Variants in OSBPL5 observed in about 807,000 individuals in gnomAD.
OSBPL5 encodes the protein oxysterol binding protein like 5.
OSBPL5 carries 71 observed loss-of-function variants against 111.2 expected under a neutral mutation model. The ratio of observed to expected loss-of-function variants is 0.64; its 90% CI spans 0.53 to 0.78. The LOEUF is 0.78. OSBPL5 is among the 30% of genes least tolerant of loss of function. OSBPL5 has a pLI of 0.00. For synonymous variants in OSBPL5, 549 were observed against 513.9 expected (o/e 1.07, Z -0.93); for missense variants, 1,210 against 1,189.3 (o/e 1.02, Z -0.26).
chr11:3,096,389 T>C (rs886791334), intron 14 of OSBPL5, among the ~76,000 whole-genome samples: 2 of 152,078 alleles, frequency 1.3e-5, no homozygotes, highest in African/African-American at 2.4e-5. Flanking sequence ...GAGGCCGAGG[T>C]AGGCTGATCA....
chr11:3,145,314 C>T (rs1846305502), intron 1 of OSBPL5, among the ~76,000 whole-genome samples: 1 of 152,240 alleles, frequency 6.6e-6, no homozygotes, highest in African/African-American at 2.4e-5. Context: ...CCTCCACCAC[C>T]AGCTGTGCCA....
At chr11:3,163,136 C>T (rs1284391507) in intron 1 of OSBPL5, among the ~76,000 whole-genome samples, 2 of 152,244 alleles carry the variant, frequency 1.3e-5, no homozygotes, top group African/African-American at 4.8e-5. Context: ...CTCCCCAGGC[C>T]TCTCCGGGAG....
rs1590655373 is a variant in OSBPL5, at chr11:3,105,670, C to T, written c.1060-1293G>A. 6.6e-6 allele frequency among the ~76,000 whole-genome samples: 1 copy of T among 152,118 alleles called. No homozygotes were observed. The highest frequency in any genetic ancestry group is 1.5e-5 in the Non-Finnish European group (1 of 68,008). On this transcript the variant is annotated intron_variant, in intron 9 of 21. Transcript: ENST00000263650. The surrounding 1 kb of genome is among the most constrained non-coding windows in gnomAD (Gnocchi z 5.2). Reference sequence around the variant, plus strand: ...TCTCGGACCAGCTGGCTCTGAGACACCTGGGCTCCTGGATCCTCCCACCTC... The same window carrying T: ...TCTCGGACCAGCTGGCTCTGAGACATCTGGGCTCCTGGATCCTCCCACCTC...
intron 14 of OSBPL5, among the ~76,000 whole-genome samples, chr11:3,096,780 T>C (rs1393907352): frequency 6.6e-6 from 1 of 151,948 alleles, no homozygotes; most frequent in African/African-American, 2.4e-5. Context: ...GTGCTGTGGG[T>C]ATATGGGGTG....
At chr11:3,138,330 C>T (rs970930177) in intron 1 of OSBPL5, among the ~76,000 whole-genome samples, 1 of 152,194 alleles carries the variant, frequency 6.6e-6, no homozygotes, top group East Asian at 1.9e-4. Context: ...CCCAGCTAGA[C>T]CCACCACCTC....
In OSBPL5 at chr11:3,142,068, A is replaced by G. The variant is rs1398660404; in HGVS notation, c.-21-12899T>C. On this transcript the variant is annotated intron_variant, in intron 1 of 21. Coordinates refer to ENST00000263650, the MANE Select transcript of OSBPL5 (RefSeq NM_020896.4). This position sits in a 1 kb window ranked among gnomAD's most constrained non-coding sequence, Gnocchi z 7.1. Reference sequence around the variant, plus strand: ...GCTGGGACTACAGGCACCTGCCACGATGACCGGCTAAAATTTTTTTGTATT... The same window carrying G: ...GCTGGGACTACAGGCACCTGCCACGGTGACCGGCTAAAATTTTTTTGTATT... Among the ~76,000 whole-genome samples, 6 of 152,154 alleles carry G rather than the reference A, an allele frequency of 3.9e-5. No homozygotes were observed. The highest frequency in any genetic ancestry group is 3.9e-4 in the Admixed American group (6 of 15,276).
chr11:3,112,535 T>A (rs1358656360), intron 7 of OSBPL5, among the ~76,000 whole-genome samples: 1 of 151,494 alleles, frequency 6.6e-6, no homozygotes, highest in Admixed American at 6.6e-5. Flanking sequence ...CTCTTGGGCT[T>A]TTAAGGAAGA....
At chr11:3,156,340 G>C (rs932979759) in intron 1 of OSBPL5, among the ~76,000 whole-genome samples, 18 of 152,254 alleles carry the variant, frequency 1.2e-4, no homozygotes, top group African/African-American at 3.6e-4. Context: ...GAACCACACA[G>C]ACAAGAAGAG....
intron 10 of OSBPL5, 27 bp from the exon 11 acceptor site, chr11:3,103,347 C>T (rs774631519): frequency 6.3e-7 from 1 of 1,581,840 alleles, no homozygotes; most frequent in South Asian, 1.1e-5. Context: ...GAACGCTGAC[C>T]CCAGCTCCGG....
intron 14 of OSBPL5, among the ~76,000 whole-genome samples, chr11:3,099,485 C>G (rs1323212815): frequency 6.6e-6 from 1 of 152,176 alleles, no homozygotes; most frequent in South Asian, 2.1e-4. Flanking sequence ...CACACAGGAA[C>G]TCTCTGTACT....
At chr11:3,131,699 T>TCCATCC (rs1845792091) in intron 1 of OSBPL5, among the ~76,000 whole-genome samples, 4 of 79,132 alleles carry the variant, frequency 5.1e-5, no homozygotes, top group South Asian at 4.7e-4. Flanking sequence ...CCCATTCATC[T>TCCATCC]ATCCATCCAT....
In OSBPL5 at chr11:3,104,124, G is replaced by A. The variant is rs113719343; in HGVS notation, c.1244+69C>T. 288 of 1,500,430 alleles carry A rather than the reference G, an allele frequency of 1.9e-4. 3 individuals carry two copies. In the African/African-American group the frequency reaches 2.9e-3, roughly 15 times the overall value. The allele number at this position is 1,500,430 out of a possible 1,614,324, so 92.9% of individuals were successfully genotyped here. The stretch of plus-strand genomic sequence containing the variant: ...AGCCCCCACAGGGCAGGTAGGGGCT[G>A]GGGGTGCTGCAGGGTCTCATGCAGA... On this transcript the variant is annotated intron_variant, in intron 10 of 21. Coordinates refer to ENST00000263650, the MANE Select transcript of OSBPL5 (RefSeq NM_020896.4). The surrounding 1 kb of genome is among the most constrained non-coding windows in gnomAD (Gnocchi z 5.0).
chr11:3,093,957 C>G, intron 15 of OSBPL5, 122 bp from the exon 16 acceptor site: 1 of 1,236,836 alleles, frequency 8.1e-7, no homozygotes, highest in Admixed American at 2.2e-5. Context: ...GAGGGATGGA[C>G]CCAACCCTCG....
chr11:3,111,323 G>A (rs762613907), intron 7 of OSBPL5, among the ~76,000 whole-genome samples: 5 of 152,026 alleles, frequency 3.3e-5, no homozygotes, highest in Admixed American at 6.5e-5. Flanking sequence ...TATGGAGTTC[G>A]AGCTTGCTTC....
intron 17 of OSBPL5, 99 bp from the exon 18 acceptor site, chr11:3,093,151 G>T (rs1857124468): frequency 2.4e-6 from 3 of 1,252,648 alleles, no homozygotes; most frequent in Non-Finnish European, 3.2e-6. Context: ...AAGGCACAGA[G>T]CAACCTCTGC....
chr11:3,152,793 C>T (rs145331620), intron 1 of OSBPL5, among the ~76,000 whole-genome samples: 1 of 152,316 alleles, frequency 6.6e-6, no homozygotes, highest in East Asian at 1.9e-4. Flanking sequence ...GAGCGAGAAA[C>T]AGAAGAATGA....
In OSBPL5 at chr11:3,142,472, G is replaced by A. The variant is rs1284320340; in HGVS notation, c.-21-13303C>T. Reference sequence around the variant, plus strand: ...AAGGGCCCAGGATCCCTCCCCACTCGCTGCTCCGTGTCCCAGGAGGTCAGA... The same window carrying A: ...AAGGGCCCAGGATCCCTCCCCACTCACTGCTCCGTGTCCCAGGAGGTCAGA... On this transcript the variant is annotated intron_variant, in intron 1 of 21. Coordinates refer to ENST00000263650, the MANE Select transcript of OSBPL5 (RefSeq NM_020896.4). The surrounding 1 kb of genome is among the most constrained non-coding windows in gnomAD (Gnocchi z 7.1). Among the ~76,000 whole-genome samples the A allele has an allele frequency of 6.6e-6, 1 of 151,866 alleles. No homozygotes were observed. The highest frequency in any genetic ancestry group is 2.4e-5 in the African/African-American group (1 of 41,220).
intron 13 of OSBPL5, 148 bp downstream of exon 13, chr11:3,101,455 C>A (rs1463084407): frequency 6.6e-6 from 5 of 753,158 alleles, no homozygotes; most frequent in African/African-American, 3.5e-5. Flanking sequence ...GGTCTCAGCA[C>A]CTGACCACCA....
intron 11 of OSBPL5, 68 bp downstream of exon 11, chr11:3,103,171 A>G (rs568901031): frequency 1.4e-6 from 2 of 1,419,178 alleles, no homozygotes; most frequent in South Asian, 1.3e-5. Context: ...GGAAGTGCCA[A>G]GGGACGAGGG....
Sources: allele counts gnomAD v4.1 joint callset (sites outside exome capture counted in the v4.1 genomes callset), GRCh38; gene constraint gnomAD v4.1.1; non-coding constraint Gnocchi (gnomAD v3.1); transcripts MANE v1.5; gene names NCBI Gene and HGNC (gene_info 2026-07-23, HGNC 2026-07-21).